Variants in PDILT observed in about 807,000 individuals in gnomAD.
PDILT encodes the protein protein disulfide-isomerase-like protein of the testis.
In PDILT, 43 loss-of-function variants were observed where a neutral mutation model predicts 53.7. That is an observed-to-expected ratio of 0.80 (90% CI 0.63 to 1.03). The LOEUF (loss-of-function observed/expected upper bound fraction) is 1.03. PDILT is among the 50% of genes least tolerant of loss of function. The pLI is 0.00. For synonymous variants in PDILT, 282 were observed against 274.2 expected (o/e 1.03, Z -0.28); for missense variants, 727 against 712.3 (o/e 1.02, Z -0.24).
intron 8 of PDILT, among the ~76,000 whole-genome samples, chr16:20,369,083 A>C (rs1299533853): frequency 6.6e-6 from 1 of 152,192 alleles, no homozygotes; most frequent in Non-Finnish European, 1.5e-5. Flanking sequence ...TAAAGCTTTT[A>C]AGGCTACATC....
chr16:20,372,522 C>T (rs1437018333), intron 7 of PDILT, among the ~76,000 whole-genome samples: 2 of 152,146 alleles, frequency 1.3e-5, no homozygotes, highest in African/African-American at 4.8e-5. Context: ...GCAGGCAAGC[C>T]TTCATGTTCT....
At position 20,399,293 on chromosome 16, in the gene PDILT, A is replaced by C; in HGVS notation, c.8T>G (p.Leu3Arg). Reference protein sequence around the residue: MDLLWMPLLLVAA... With the variant: MDRLWMPLLLVAA... ...CACCAGCAGCAGGGGCATCCAGAGT[A>C]GGTCCATGGCTGTCCTGCAGGGGCC... The change falls in exon 2 of 12, where the codon CTA becomes CGA. Residue 3 changes from leucine (L) to arginine (R), a missense_variant. Coordinates refer to ENST00000302451, the MANE Select transcript of PDILT (RefSeq NM_174924.2). 6.2e-7 allele frequency: 1 copy of C among 1,613,958 alleles called. No individual in the cohort carries two copies. Among genetic ancestry groups the C allele is most frequent in the Non-Finnish European group, 8.5e-7 (1 of 1,179,896 alleles).
rs139748181 is a variant in PDILT, at chr16:20,362,577, G to T, written c.1243C>A (p.Pro415Thr). Residue 415 changes from proline to threonine, a missense_variant, in exon 10 of 12, where the codon CCC becomes ACC. By Grantham distance (38) the Pro-to-Thr change is conservative (BLOSUM62 -1). Transcript: ENST00000302451. The stretch of plus-strand genomic sequence containing the variant: ...AGCATCTTGCACTTTTTAGACCAGG[G>T]TGCATCTGGAAGAGAAGGTCCATGG... The part of the protein sequence containing the change: ...EKDVFVMFYA[P>T]WSKKCKMLFP... The T allele has an allele frequency of 4.3e-6, 7 of 1,614,036 alleles. No homozygotes were observed. The highest frequency in any genetic ancestry group is 1.3e-5 in the African/African-American group (1 of 74,996).
At position 20,362,406 on chromosome 16, in the gene PDILT, G is replaced by A; in HGVS notation, c.1414C>T (p.Gln472Ter). 1.2e-6 allele frequency: 2 copies of A among 1,614,082 alleles called. No homozygotes were observed. Among genetic ancestry groups the A allele is most frequent in the South Asian group, 1.1e-5 (1 of 91,036 alleles). ...FFRLFPSGSQ[Q>*]AVLYKGEHTL... ...TGTGCGTCCCAAGAGCCCCTCACTT[G>A]TTGAGAGCCGCTGGGGAACAGCCTG... is the stretch of plus-strand genomic sequence containing the variant. Residue 472 changes from glutamine to a stop codon, truncating the protein, a stop_gained and splice_region_variant, in exon 10 of 12, where the codon CAA (glutamine) becomes TAA (stop). Coordinates refer to ENST00000302451, the MANE Select transcript of PDILT (RefSeq NM_174924.2). LOFTEE classifies it high-confidence loss of function.
chr16:20,399,417 GAGCATTGCCTCCCAGCAATGCCTGC>G, intron 1 of PDILT, 110 bp from the exon 2 acceptor site: 2 of 1,161,366 alleles, frequency 1.7e-6, no homozygotes, highest in South Asian at 2.8e-5. Flanking sequence ...AATGTGGCCT[GAGCATTGCCTCCCAGCAATGCCTGC>G]AGCTTGGCAG....
At position 20,390,419 on chromosome 16, in the gene PDILT, C is replaced by T. The variant is rs951920376; in HGVS notation, c.203-5568G>A. Among the ~76,000 whole-genome samples the T allele has an allele frequency of 3.3e-5, 5 of 152,282 alleles. No individual in the cohort carries two copies. In the East Asian group the frequency reaches 5.8e-4, roughly 18 times the overall value. On this transcript the variant is annotated intron_variant, in intron 2 of 11. Transcript: ENST00000302451. ...ATCTGCATGGATCACTGCCTCACCA[C>T]CTTAAGATCTTTGCTAAAGTGTTAC...
chr16:20,398,274 T>TGCTGATGCAAAATGTCC (rs376685951), intron 2 of PDILT, among the ~76,000 whole-genome samples: 97 of 152,248 alleles, frequency 6.4e-4, no homozygotes, highest in African/African-American at 2.2e-3. Context: ...CCAAAATGTC[T>TGCTGATGCAAAATGTCC]GCTGATGCAA....
chr16:20,384,961 G>T lies in PDILT; in HGVS notation c.203-110C>A. 5 of 987,270 alleles carry T rather than the reference G, an allele frequency of 5.1e-6. No individual in the cohort carries two copies. The Admixed American group carries it at 9.6e-5, about 19-fold the overall frequency. 61.2% of individuals were successfully genotyped at this position (987,270 alleles called of 1,614,324 possible). ...TCCCGGAACCTTTCTTGTGCTCAGC[G>T]GTTAATGGCTGAATTTTCATAAATG... On this transcript the variant is annotated intron_variant, in intron 2 of 11. Coordinates refer to ENST00000302451, the MANE Select transcript of PDILT (RefSeq NM_174924.2).
intron 1 of PDILT, among the ~76,000 whole-genome samples, chr16:20,403,518 G>C (rs1966772388): frequency 6.6e-6 from 1 of 152,104 alleles, no homozygotes; most frequent in African/African-American, 2.4e-5. Context: ...TCAAACTCCT[G>C]ACCTCAGGTG....
chr16:20,397,898 G>A (rs1363486422), intron 2 of PDILT, among the ~76,000 whole-genome samples: 2 of 152,112 alleles, frequency 1.3e-5, no homozygotes, highest in African/African-American at 4.8e-5. Flanking sequence ...CAATTTTCCA[G>A]GAGTGGCTCT....
chr16:20,369,540 G>C lies in PDILT; in HGVS notation c.1068C>G (p.Tyr356Ter). The C allele has an allele frequency of 6.2e-7, 1 of 1,614,206 alleles. No homozygotes were observed. The highest frequency in any genetic ancestry group is 8.5e-7 in the Non-Finnish European group (1 of 1,180,026). Residue 356 changes from tyrosine (Y) to a stop codon, truncating the protein, a stop_gained, in exon 8 of 12, where the codon TAC becomes TAG. Coordinates refer to ENST00000302451, the MANE Select transcript of PDILT (RefSeq NM_174924.2). LOFTEE classifies it high-confidence loss of function. ...TGCGGCCAAATTTCTTGAGGCTTTC[G>C]TAGGTTATGTCATCTGAAGGCATTT... ...RYKMPSDDIT[Y>*]ESLKKFGRSF... is the part of the protein sequence containing the mutation.
At chr16:20,394,269 A>G (rs1282864910) in intron 2 of PDILT, among the ~76,000 whole-genome samples, 2 of 151,916 alleles carry the variant, frequency 1.3e-5, no homozygotes, top group Non-Finnish European at 2.9e-5. Context: ...CCAGAAGAGA[A>G]CTCTTTCTGG....
intron 8 of PDILT, among the ~76,000 whole-genome samples, chr16:20,366,773 A>G (rs2141704303): frequency 6.6e-6 from 1 of 152,290 alleles, no homozygotes; most frequent in African/African-American, 2.4e-5. Context: ...GTTACTGACC[A>G]AATCCAGGTA....
At chr16:20,400,058 A>ATCTATCTATC (rs1567333519) in intron 1 of PDILT, among the ~76,000 whole-genome samples, 1 of 96,042 alleles carries the variant, frequency 1.0e-5, no homozygotes, top group Non-Finnish European at 2.1e-5. Context: ...ATCTATCTAT[A>ATCTATCTATC]TATATATATA....
intron 8 of PDILT, among the ~76,000 whole-genome samples, chr16:20,369,180 A>G (rs1472272182): frequency 6.6e-6 from 1 of 152,242 alleles, no homozygotes; most frequent in Non-Finnish European, 1.5e-5. Context: ...ATTGGAGGTG[A>G]TAGGAGAAGA....
intron 2 of PDILT, among the ~76,000 whole-genome samples, chr16:20,388,396 G>C (rs1966566596): frequency 6.6e-6 from 1 of 152,162 alleles, no homozygotes; most frequent in African/African-American, 2.4e-5. Flanking sequence ...TATGCAGTTA[G>C]GCTGAGAGTC....
chr16:20,402,058 C>A (rs1966748698), intron 1 of PDILT, among the ~76,000 whole-genome samples: 1 of 152,226 alleles, frequency 6.6e-6, no homozygotes. Flanking sequence ...AGCCACAGCT[C>A]CTCTTTACTC....
chr16:20,367,071 CTTTCTTTCTTT>C (rs1966219481), intron 8 of PDILT, among the ~76,000 whole-genome samples: 4 of 120,502 alleles, frequency 3.3e-5, no homozygotes, highest in Non-Finnish European at 7.0e-5. Flanking sequence ...TTCTTTCTTT[CTTTCTTTCTTT>C]CTTTCTTTCT....
intron 2 of PDILT, among the ~76,000 whole-genome samples, chr16:20,385,355 T>C (rs1966520305): frequency 6.6e-6 from 1 of 152,102 alleles, no homozygotes; most frequent in Non-Finnish European, 1.5e-5. Context: ...CCTGTGACAG[T>C]GAGAGGTAAG....
Sources: gnomAD v4.1 joint callset for allele counts (sites outside exome capture counted in the v4.1 genomes callset) on GRCh38, gnomAD v4.1.1 for gene constraint, MANE v1.5 for transcripts, NCBI Gene and HGNC (gene_info 2026-07-23, HGNC 2026-07-21) for gene names.